Variants in PWP1 observed in about 807,000 individuals in gnomAD.
The protein encoded by PWP1 is periodic tryptophan protein 1 homolog.
In PWP1, 47 loss-of-function variants were observed where a neutral mutation model predicts 69.9. The ratio of observed to expected loss-of-function variants is 0.67; its 90% CI spans 0.53 to 0.86. The LOEUF (loss-of-function observed/expected upper bound fraction) is 0.86. Among genes scored for constraint, PWP1 ranks in the 40% least tolerant of loss-of-function variants. PWP1 has a pLI of 0.00. For missense variants in PWP1, 551 were observed against 608.8 expected, an observed-to-expected ratio of 0.91 and a Z score of 1.00; for synonymous variants, 222 against 208.2, an observed-to-expected ratio of 1.07 and a Z score of -0.57.
intron 14 of PWP1, among the ~76,000 whole-genome samples, chr12:107,711,688 A>C (rs1383060305): frequency 6.6e-6 from 1 of 152,152 alleles, no homozygotes; most frequent in Non-Finnish European, 1.5e-5. Flanking sequence ...TGATTCCTGC[A>C]TCCTCCCTCC....
intron 14 of PWP1, among the ~76,000 whole-genome samples, chr12:107,710,971 A>AAAGAC (rs1889940306): frequency 6.6e-6 from 1 of 152,218 alleles, no homozygotes; most frequent in Non-Finnish European, 1.5e-5. Flanking sequence ...TAGAGGAATT[A>AAAGAC]AAGACACACA....
chr12:107,690,882 G>C (rs1407529775), intron 3 of PWP1, among the ~76,000 whole-genome samples: 1 of 152,210 alleles, frequency 6.6e-6, no homozygotes, highest in African/African-American at 2.4e-5. Context: ...ACATGTACGG[G>C]TTGATGGTGA....
intron 7 of PWP1, among the ~76,000 whole-genome samples, chr12:107,699,121 T>C (rs1040558974): frequency 8.5e-5 from 13 of 152,082 alleles, no homozygotes; most frequent in African/African-American, 3.1e-4. Flanking sequence ...TAGCTGGGCA[T>C]GGTGGCATGC....
chr12:107,688,471 A>G lies in PWP1; in HGVS notation c.96A>G (p.Val32=), dbSNP rs1212858460. The G allele has an allele frequency of 6.2e-7, 1 of 1,614,078 alleles. No homozygotes were observed. Among genetic ancestry groups the G allele is most frequent in the South Asian group, 1.1e-5 (1 of 91,060 alleles). The change falls in exon 2 of 15, where the codon GTA becomes GTG. Residue 32 remains valine (V), a synonymous_variant. Coordinates refer to ENST00000412830, the MANE Select transcript of PWP1 (RefSeq NM_007062.3). The stretch of plus-strand genomic sequence containing the variant: ...AGGTAGAGCTGAGTAAAGAAGAAGT[A>G]AAACGCCTCATTGCTGAGGCAAAGG... The part of the protein sequence containing the change: ...PDKVELSKEE[V]KRLIAEAKEK...
chr12:107,707,200 C>G (rs557129302), intron 11 of PWP1, among the ~76,000 whole-genome samples: 1 of 152,062 alleles, frequency 6.6e-6, no homozygotes, highest in East Asian at 1.9e-4. Flanking sequence ...GGCTGTTTGT[C>G]TATTATTGGT....
chr12:107,707,516 T>C (rs1200005742), intron 11 of PWP1, among the ~76,000 whole-genome samples: 2 of 152,238 alleles, frequency 1.3e-5, no homozygotes, highest in East Asian at 3.8e-4. Context: ...CCATTCAGTA[T>C]GATATTGGCT....
intron 3 of PWP1, among the ~76,000 whole-genome samples, chr12:107,691,799 C>G (rs375085155): frequency 1.4e-4 from 21 of 152,042 alleles, no homozygotes; most frequent in African/African-American, 4.8e-4. Context: ...CTCCGTTTTC[C>G]TCATTCGCTT....
chr12:107,707,569 T>C (rs1889848169), intron 11 of PWP1, among the ~76,000 whole-genome samples: 3 of 151,914 alleles, frequency 2.0e-5, no homozygotes, highest in Admixed American at 2.0e-4. Context: ...GAGATATGTC[T>C]CATCAATACC....
chr12:107,699,746 ATT>A (rs1889667115), intron 8 of PWP1, among the ~76,000 whole-genome samples: 1 of 152,074 alleles, frequency 6.6e-6, no homozygotes, highest in Non-Finnish European at 1.5e-5. Context: ...CCCAGGAGAC[ATT>A]TTTCTCTGTT....
chr12:107,712,133 A>G lies in PWP1; in HGVS notation c.1419A>G (p.Arg473=). 2.5e-6 allele frequency: 4 copies of G among 1,614,046 alleles called. No homozygotes were observed. Among genetic ancestry groups the G allele is most frequent in the East Asian group, 2.2e-5 (1 of 44,876 alleles). Reference sequence around the variant, plus strand: ...TAGTAAATGAAGCATTTGGAAGACGAGAGAGGCTTGTTCTTGGGAGTGCAA... The same window carrying G: ...TAGTAAATGAAGCATTTGGAAGACGGGAGAGGCTTGTTCTTGGGAGTGCAA... ...VSSVNEAFGR[R]ERLVLGSARN... is the part of the protein sequence containing the mutation. The change falls in exon 15 of 15, where the codon CGA becomes CGG. Residue 473 remains arginine (R), a synonymous_variant. Coordinates refer to ENST00000412830, the MANE Select transcript of PWP1 (RefSeq NM_007062.3).
chr12:107,699,896 T>C (rs778686129), intron 8 of PWP1, among the ~76,000 whole-genome samples: 1 of 152,210 alleles, frequency 6.6e-6, no homozygotes, highest in Non-Finnish European at 1.5e-5. Flanking sequence ...CTGGGTAATA[T>C]GTAAAGGAAA....
Position 107,712,325 on chromosome 12 carries a change from T to C in PWP1, c.*105T>C. 1.3e-6 allele frequency: 1 copy of C among 780,908 alleles called. No homozygotes were observed. The highest frequency in any genetic ancestry group is 2.1e-6 in the Non-Finnish European group (1 of 470,838). 48.4% of individuals were successfully genotyped at this position (780,908 alleles called of 1,614,324 possible). A position where few individuals can be genotyped will look rare whatever the true frequency, so the allele number is the denominator to read the frequency against. ...ACCATGCAGAGTGACTGAAACACAA[T>C]TCATTTCTGACTGACATTCCTTTCT... On this transcript the variant is annotated 3_prime_UTR_variant, in exon 15 of 15. Coordinates refer to ENST00000412830, the MANE Select transcript of PWP1 (RefSeq NM_007062.3).
chr12:107,703,544 A>G, intron 9 of PWP1, 141 bp from the exon 10 acceptor site: 4 of 721,412 alleles, frequency 5.5e-6, no homozygotes, highest in South Asian at 1.8e-5. Context: ...ATTATGCAGT[A>G]CATTTATGTT....
intron 6 of PWP1, among the ~76,000 whole-genome samples, chr12:107,697,079 C>T (rs553727239): frequency 7.9e-5 from 12 of 152,310 alleles, no homozygotes; most frequent in East Asian, 1.9e-4. Flanking sequence ...TACTGTCTTA[C>T]GTCTTGTTTG....
intron 5 of PWP1, among the ~76,000 whole-genome samples, chr12:107,693,383 C>G (rs1399830607): frequency 6.6e-6 from 1 of 151,686 alleles, no homozygotes; most frequent in Non-Finnish European, 1.5e-5. Flanking sequence ...ACTGTGTTGC[C>G]CAGGCTGTCT....
Position 107,692,857 on chromosome 12 carries a change from C to T in PWP1, c.363C>T (p.Tyr121=), listed in dbSNP as rs77478466. 1.4e-3 allele frequency: 2,289 copies of T among 1,613,900 alleles called. 24 individuals are homozygous for T. The African/African-American group carries it at 0.023, about 16-fold the overall frequency. The change falls in exon 4 of 15, where the codon TAC becomes TAT. Residue 121 remains tyrosine (Y), a synonymous_variant. Transcript: ENST00000412830. ...LGESLLGLTV[Y]GSNDQDPYVT... is the part of the protein sequence containing the mutation. ...AATCTCTCTTGGGTCTTACGGTCTA[C>T]GGGAGTAATGATCAAGATCCTTACG...
chr12:107,698,097 C>T (rs1889628139), intron 7 of PWP1, among the ~76,000 whole-genome samples: 6 of 152,206 alleles, frequency 3.9e-5, no homozygotes, highest in Non-Finnish European at 1.5e-5. Context: ...GCACGTGGCT[C>T]ACTCCTGTAA....
In PWP1 at chr12:107,703,037, G is replaced by T; in HGVS notation, c.903+6G>T. On this transcript the variant is annotated splice_donor_region_variant and intron_variant, in intron 9 of 14. Coordinates refer to ENST00000412830, the MANE Select transcript of PWP1 (RefSeq NM_007062.3). ...TCGCTGTACACACAGACAAGGTATG[G>T]TGATTTAGTTGATCACAGCGGTTCT... 1 of 1,575,752 alleles carries T rather than the reference G, an allele frequency of 6.3e-7. No individual in the cohort carries two copies. The highest frequency in any genetic ancestry group is 1.1e-5 in the South Asian group (1 of 90,132).
chr12:107,690,315 G>A (rs1207124195), intron 3 of PWP1, among the ~76,000 whole-genome samples: 1 of 152,106 alleles, frequency 6.6e-6, no homozygotes, highest in Non-Finnish European at 1.5e-5. Flanking sequence ...AGGAGTTCAA[G>A]GCTGCAGTGA....
Sources: allele counts gnomAD v4.1 joint callset (sites outside exome capture counted in the v4.1 genomes callset), GRCh38; gene constraint gnomAD v4.1.1; transcripts MANE v1.5; gene names NCBI Gene and HGNC (gene_info 2026-07-23, HGNC 2026-07-21).